The following ERC2 variants were observed in gnomAD, a reference collection of about 807,000 sequenced individuals.
ERC2 encodes ELKS/RAB6-interacting/CAST family member 2.
A neutral mutation model predicts 114.8 loss-of-function variants in ERC2; 42 were observed. The observed-to-expected ratio is 0.37, with a 90% CI of 0.29 to 0.47. ERC2 has a LOEUF of 0.47. Among genes scored for constraint, ERC2 ranks in the 20% least tolerant of loss-of-function variants. The pLI is 0.99. For synonymous variants in ERC2, 454 were observed against 425.5 expected (o/e 1.07, Z -0.82); for missense variants, 939 against 1,150.7 (o/e 0.82, Z 2.66).
chr3:56,025,475 C>T (rs965522935), intron 7 of ERC2, among the ~76,000 whole-genome samples: 1 of 152,206 alleles, frequency 6.6e-6, no homozygotes, highest in African/African-American at 2.4e-5. Context: ...TATTCAGCTC[C>T]TTGCTGGCTG....
chr3:56,124,338 A>T (rs2079756771), intron 6 of ERC2, among the ~76,000 whole-genome samples: 1 of 152,210 alleles, frequency 6.6e-6, no homozygotes, highest in Admixed American at 6.5e-5. Context: ...AATATTCCTG[A>T]CTTGAATTAC....
Position 55,855,640 on chromosome 3 carries a change from C to T in ERC2, c.2564+32749G>A, listed in dbSNP as rs117803046. ...CTCTAAATGCTTAAAGGCAGATTAA[C>T]TATAAAGAAAAACAGAATCAAACAG... is the stretch of plus-strand genomic sequence containing the variant. On this transcript the variant is annotated intron_variant, in intron 14 of 17. Coordinates refer to ENST00000288221, the MANE Select transcript of ERC2 (RefSeq NM_015576.3). Among the ~76,000 whole-genome samples the T allele has an allele frequency of 5.9e-4, 90 of 152,204 alleles. 3 individuals are homozygous for T. The East Asian group carries it at 0.01, about 17-fold the overall frequency.
chr3:55,662,508 G>C (rs1346342066), intron 17 of ERC2, among the ~76,000 whole-genome samples: 1 of 152,214 alleles, frequency 6.6e-6, no homozygotes, highest in Non-Finnish European at 1.5e-5. Context: ...TGTGTTAAAT[G>C]AATTATGTGT....
chr3:55,823,681 A>G (rs779897161), intron 14 of ERC2, among the ~76,000 whole-genome samples: 1 of 152,204 alleles, frequency 6.6e-6, no homozygotes, highest in Admixed American at 6.5e-5. Context: ...GGCAGATACT[A>G]TAACATACTA....
In ERC2 at chr3:55,734,852, G is replaced by A; in HGVS notation, c.2631C>T (p.Ala877=). ...DANIALLELS[A]SKKKKTQEEV... is the part of the protein sequence containing the mutation. ...CTTCCTGCGTCTTTTTCTTTTTGGA[G>A]GCAGACAATTCCAGCAAGGCAATGT... Residue 877 remains alanine (A), a synonymous_variant, in exon 15 of 18, where the codon GCC becomes GCT. Coordinates refer to ENST00000288221, the MANE Select transcript of ERC2 (RefSeq NM_015576.3). 2 of 1,612,362 alleles carry A rather than the reference G, an allele frequency of 1.2e-6. No homozygotes were observed. The highest frequency in any genetic ancestry group is 1.7e-6 in the Non-Finnish European group (2 of 1,179,116).
chr3:56,231,873 T>A (rs2150178773), intron 3 of ERC2, among the ~76,000 whole-genome samples: 2 of 134,338 alleles, frequency 1.5e-5, no homozygotes, highest in Middle Eastern at 8.3e-3. Flanking sequence ...AAAATCATTC[T>A]AAATAAATTA....
chr3:55,511,371 A>G (rs1176479375), intron 17 of ERC2, 95 bp from the exon 18 acceptor site: 4 of 152,610 alleles, frequency 2.6e-5, no homozygotes, highest in Non-Finnish European at 5.9e-5. Context: ...TCACCCCTAC[A>G]ACAGCCTCTC....
chr3:56,450,906 T>G (rs1397759411), intron 1 of ERC2, among the ~76,000 whole-genome samples: 2 of 152,104 alleles, frequency 1.3e-5, no homozygotes, highest in Non-Finnish European at 2.9e-5. Context: ...ATTTGAGATG[T>G]TAAATAAAAT....
intron 14 of ERC2, among the ~76,000 whole-genome samples, chr3:55,766,402 A>G (rs1460750571): frequency 6.6e-6 from 1 of 152,100 alleles, no homozygotes; most frequent in Admixed American, 6.5e-5. Context: ...TCTGTCGCCC[A>G]GGCTGGAGTA....
intron 7 of ERC2, among the ~76,000 whole-genome samples, chr3:56,061,101 C>G (rs2076226172): frequency 6.6e-6 from 1 of 152,166 alleles, no homozygotes; most frequent in Non-Finnish European, 1.5e-5. Flanking sequence ...ATTCCTCAAG[C>G]CTTTATTCTC....
intron 13 of ERC2, among the ~76,000 whole-genome samples, chr3:55,914,221 G>A (rs564847598): frequency 2.0e-5 from 3 of 152,226 alleles, no homozygotes; most frequent in African/African-American, 7.2e-5. Context: ...CAACAACTGA[G>A]GTTTTTTCTG....
intron 14 of ERC2, among the ~76,000 whole-genome samples, chr3:55,863,531 G>C (rs1575906707): frequency 1.3e-5 from 2 of 152,060 alleles, no homozygotes; most frequent in African/African-American, 4.8e-5. Flanking sequence ...AACTGAAGCA[G>C]AGTTGGGCTC....
chr3:56,349,171 T>A (rs1444343468), intron 2 of ERC2, among the ~76,000 whole-genome samples: 1 of 152,184 alleles, frequency 6.6e-6, no homozygotes, highest in African/African-American at 2.4e-5. Context: ...GAACAGTTTG[T>A]TCTGGAGTTC....
chr3:55,866,662 A>G (rs1338183824), intron 14 of ERC2, among the ~76,000 whole-genome samples: 1 of 152,198 alleles, frequency 6.6e-6, no homozygotes, highest in East Asian at 1.9e-4. Flanking sequence ...AGAGCCCTGT[A>G]CATAGCTTAG....
At chr3:55,815,083 G>A (rs561221103) in intron 14 of ERC2, among the ~76,000 whole-genome samples, 24 of 152,188 alleles carry the variant, frequency 1.6e-4, no homozygotes, top group Non-Finnish European at 2.5e-4. Flanking sequence ...GCTCCAAAAG[G>A]CAAACTCTTT....
At chr3:56,017,265 G>T (rs1336709120) in intron 8 of ERC2, among the ~76,000 whole-genome samples, 1 of 152,040 alleles carries the variant, frequency 6.6e-6, no homozygotes, top group East Asian at 1.9e-4. Context: ...CAACTCCAGG[G>T]TCTGATACCT....
Position 55,900,395 on chromosome 3 carries a change from C to A in ERC2, c.2404-11846G>T, listed in dbSNP as rs1486747678. 2.6e-5 allele frequency among the ~76,000 whole-genome samples: 4 copies of A among 152,202 alleles called. No individual in the cohort carries two copies. In the East Asian group the frequency reaches 7.7e-4, roughly 29 times the overall value. On this transcript the variant is annotated intron_variant, in intron 13 of 17. Transcript: ENST00000288221. ...ACCATTTGTCCAGGCTACTTGGCCA[C>A]CTCCATTAGCAGAGTCTGTTCATTC...
At chr3:56,349,625 G>C (rs1210176888) in intron 2 of ERC2, among the ~76,000 whole-genome samples, 1 of 152,160 alleles carries the variant, frequency 6.6e-6, no homozygotes, top group Non-Finnish European at 1.5e-5. Flanking sequence ...TACCTATCAG[G>C]GGCCAGGCGC....
intron 3 of ERC2, among the ~76,000 whole-genome samples, chr3:56,248,893 C>T (rs1392018899): frequency 6.6e-6 from 1 of 152,194 alleles, no homozygotes; most frequent in African/African-American, 2.4e-5. Flanking sequence ...GTTCACTTAA[C>T]CCAAATTTAT....
Sources: allele counts gnomAD v4.1 joint callset (sites outside exome capture counted in the v4.1 genomes callset), GRCh38; gene constraint gnomAD v4.1.1; transcripts MANE v1.5; gene names NCBI Gene and HGNC (gene_info 2026-07-23, HGNC 2026-07-21).